LY86: variants seen among roughly 807,000 people sequenced by gnomAD.
LY86 encodes the protein MD-1, RP105-associated.
Under a neutral mutation model 17.3 loss-of-function variants are expected in LY86, and 20 were observed. That is an observed-to-expected ratio of 1.15 (90% CI 0.81 to 1.68). The LOEUF (loss-of-function observed/expected upper bound fraction) is 1.68, where lower values mean the gene tolerates loss of function less well. Ranked by LOEUF, LY86 falls within the 40% of genes most tolerant of loss-of-function variation. The pLI, the probability that LY86 is intolerant of heterozygous loss-of-function variation, is 0.00. For missense variants in LY86, 200 were observed against 191.9 expected (o/e 1.04, Z -0.25); for synonymous variants, 74 against 70.6 (o/e 1.05, Z -0.24).
At chr6:6,627,577 A>C (rs1761814395) in intron 3 of LY86, among the ~76,000 whole-genome samples, 1 of 152,114 alleles carries the variant, frequency 6.6e-6, no homozygotes, top group Admixed American at 6.5e-5. Context: ...TTGGACCACG[A>C]GCTGCTTGAG....
intron 1 of LY86, among the ~76,000 whole-genome samples, chr6:6,602,201 G>A (rs550797137): frequency 1.3e-5 from 2 of 152,296 alleles, no homozygotes; most frequent in East Asian, 1.9e-4. Flanking sequence ...TAATAGTTAT[G>A]TATCCACTTG....
intron 1 of LY86, among the ~76,000 whole-genome samples, chr6:6,609,504 A>C (rs1761278871): frequency 6.6e-6 from 1 of 152,000 alleles, no homozygotes; most frequent in Non-Finnish European, 1.5e-5. Flanking sequence ...TTCCTTACAC[A>C]CTTTCTCTTC....
intron 3 of LY86, among the ~76,000 whole-genome samples, chr6:6,630,873 T>C (rs1196864494): frequency 6.6e-6 from 1 of 152,212 alleles, no homozygotes; most frequent in African/African-American, 2.4e-5. Context: ...GCTTTAGTCT[T>C]AGAAAAAGAA....
At chr6:6,605,528 C>G (rs7742352) in intron 1 of LY86, among the ~76,000 whole-genome samples, 127,712 of 152,308 alleles carry the variant, frequency 0.84, 53,570 homozygotes, top group Middle Eastern at 0.94. Flanking sequence ...CTCCCCACAA[C>G]GCTACCCCAT....
intron 1 of LY86, among the ~76,000 whole-genome samples, chr6:6,603,655 A>AC (rs1561778152): frequency 4.9e-5 from 6 of 121,904 alleles, no homozygotes; most frequent in African/African-American, 1.6e-4. Flanking sequence ...ACACACACAC[A>AC]GAGTGGAAAA....
At chr6:6,617,826 T>G (rs1483951174) in intron 1 of LY86, among the ~76,000 whole-genome samples, 1 of 152,136 alleles carries the variant, frequency 6.6e-6, no homozygotes, top group Non-Finnish European at 1.5e-5. Flanking sequence ...TTTTTTGTTT[T>G]GTTTTGTTTT....
At chr6:6,614,283 G>A (rs753434019) in intron 1 of LY86, among the ~76,000 whole-genome samples, 3 of 152,112 alleles carry the variant, frequency 2.0e-5, no homozygotes, top group Non-Finnish European at 2.9e-5. Flanking sequence ...AGACCGCAAA[G>A]GGAGGTAAAG....
chr6:6,608,885 C>G (rs1761264525), intron 1 of LY86, among the ~76,000 whole-genome samples: 1 of 152,220 alleles, frequency 6.6e-6, no homozygotes, highest in Non-Finnish European at 1.5e-5. Context: ...CATCCGAAAT[C>G]CAATTTCCTG....
intron 1 of LY86, among the ~76,000 whole-genome samples, chr6:6,605,346 A>AAGT (rs1393042515): frequency 6.6e-6 from 1 of 152,188 alleles, no homozygotes; most frequent in Non-Finnish European, 1.5e-5. Flanking sequence ...AAAGGTGATG[A>AAGT]AGTAGTCAAT....
chr6:6,652,447 C>T (rs147623571), intron 4 of LY86, among the ~76,000 whole-genome samples: 2 of 152,194 alleles, frequency 1.3e-5, no homozygotes, highest in Non-Finnish European at 2.9e-5. Context: ...AACGCTCCCA[C>T]TCAGCGATCA....
chr6:6,598,995 T>C (rs1413204699), intron 1 of LY86, among the ~76,000 whole-genome samples: 4 of 152,246 alleles, frequency 2.6e-5, no homozygotes, highest in Admixed American at 1.3e-4. Context: ...ATGGGACCAC[T>C]TGAGCTGATC....
At chr6:6,649,375 G>A (rs1762153347) in intron 3 of LY86, among the ~76,000 whole-genome samples, 3 of 152,360 alleles carry the variant, frequency 2.0e-5, no homozygotes, top group Non-Finnish European at 2.9e-5. Flanking sequence ...TGTGTGGACA[G>A]AGACTTCTTT....
At chr6:6,593,891 A>T (rs1485951243) in intron 1 of LY86, among the ~76,000 whole-genome samples, 1 of 152,250 alleles carries the variant, frequency 6.6e-6, no homozygotes, top group Non-Finnish European at 1.5e-5. Flanking sequence ...GGGCCAAGGC[A>T]GAATCCTCCA....
chr6:6,600,565 G>A (rs1220669629), intron 1 of LY86, among the ~76,000 whole-genome samples: 1 of 114,838 alleles, frequency 8.7e-6, no homozygotes, highest in Non-Finnish European at 1.6e-5. Flanking sequence ...ACTCCAGCCT[G>A]AGAGACAGAG....
chr6:6,622,519 CAGAGATACTT>C (rs1197732961), intron 1 of LY86: 1 of 152,154 alleles, frequency 6.6e-6, no homozygotes, highest in East Asian at 1.9e-4. Flanking sequence ...TGGGACAGCA[CAGAGATACTT>C]AGGAAGGAGT....
Position 6,598,176 on chromosome 6 carries a change from C to T in LY86, c.136+9306C>T, listed in dbSNP as rs767251644. Among the ~76,000 whole-genome samples, 111 of 152,296 alleles carry T rather than the reference C, an allele frequency of 7.3e-4. 1 individual carries two copies. Among genetic ancestry groups the T allele is most frequent in the Non-Finnish European group, 3.5e-4 (24 of 68,024 alleles). On this transcript the variant is annotated intron_variant, in intron 1 of 4. Transcript: ENST00000230568. Reference sequence around the variant, plus strand: ...TAACAAATTAATTTTTGCAGACATACGTACACTGGCCACAAATTTGTCTTA... The same window carrying T: ...TAACAAATTAATTTTTGCAGACATATGTACACTGGCCACAAATTTGTCTTA...
At chr6:6,623,847 A>G (rs1310962057) in intron 1 of LY86, among the ~76,000 whole-genome samples, 4 of 152,240 alleles carry the variant, frequency 2.6e-5, no homozygotes, top group African/African-American at 9.6e-5. Context: ...CAAACAAAAC[A>G]AAACAAGAAA....
chr6:6,613,212 C>T (rs1174327891), intron 1 of LY86, among the ~76,000 whole-genome samples: 1 of 148,266 alleles, frequency 6.7e-6, no homozygotes, highest in Non-Finnish European at 1.5e-5. Flanking sequence ...CAGCTGGCTT[C>T]ACCCAGTGGA....
At chr6:6,620,481 G>A (rs189939830) in intron 1 of LY86, among the ~76,000 whole-genome samples, 1 of 152,286 alleles carries the variant, frequency 6.6e-6, no homozygotes, top group East Asian at 1.9e-4. Context: ...TGGCCTCCAG[G>A]ACTTAGGGAC....
Sources: allele counts gnomAD v4.1 joint callset (sites outside exome capture counted in the v4.1 genomes callset), GRCh38; gene constraint gnomAD v4.1.1; transcripts MANE v1.5; gene names NCBI Gene and HGNC (gene_info 2026-07-23, HGNC 2026-07-21).